CNMD: variants seen among roughly 807,000 people sequenced by gnomAD.
CNMD encodes the protein chondromodulin.
A neutral mutation model predicts 37.5 loss-of-function variants in CNMD; 30 were observed. The ratio of observed to expected loss-of-function variants is 0.80; its 90% confidence interval spans 0.60 to 1.09. The LOEUF (loss-of-function observed/expected upper bound fraction) is 1.09, where lower values mean the gene tolerates loss of function less well. Ranked by LOEUF, CNMD falls within the 50% of genes least tolerant of loss-of-function variation. The pLI, the probability that CNMD is intolerant of heterozygous loss-of-function variation, is 0.00. For missense variants in CNMD, 398 were observed against 423.9 expected (o/e 0.94, Z 0.54); for synonymous variants, 167 against 148.2 (o/e 1.13, Z -0.92).
At chr13:52,725,072 A>G (rs562173426) in intron 3 of CNMD, among the ~76,000 whole-genome samples, 2 of 152,338 alleles carry the variant, frequency 1.3e-5, no homozygotes, top group South Asian at 2.1e-4. Context: ...TATTCCATCT[A>G]TATTCACAAG....
At chr13:52,714,838 G>A (rs1964343588) in intron 4 of CNMD, among the ~76,000 whole-genome samples, 1 of 151,994 alleles carries the variant, frequency 6.6e-6, no homozygotes, top group African/African-American at 2.4e-5. Flanking sequence ...TTATGCAATT[G>A]TAGGTAATTT....
chr13:52,738,768 C>T (rs1430762545), intron 2 of CNMD, among the ~76,000 whole-genome samples: 1 of 152,164 alleles, frequency 6.6e-6, no homozygotes, highest in Non-Finnish European at 1.5e-5. Flanking sequence ...GGAGATGAGC[C>T]GAGAACGGCC....
Position 52,738,780 on chromosome 13 carries a change from T to C in CNMD, c.213+251A>G, listed in dbSNP as rs530806513. On this transcript the variant is annotated intron_variant, in intron 2 of 6. Coordinates refer to ENST00000377962, the MANE Select transcript of CNMD (RefSeq NM_007015.3). ...GTGGGAGATGAGCCGAGAACGGCCT[T>C]TCTCGGACCGTCCACTACATTCTCC... is the stretch of plus-strand genomic sequence containing the variant. 1.1e-4 allele frequency among the ~76,000 whole-genome samples: 17 copies of C among 152,284 alleles called. No homozygotes were observed. In the East Asian group the frequency reaches 3.3e-3, roughly 30 times the overall value.
In CNMD at chr13:52,703,478, G is replaced by A. The variant is rs1566214483; in HGVS notation, c.*117C>T. 3 of 663,834 alleles carry A rather than the reference G, an allele frequency of 4.5e-6. No individual in the cohort carries two copies. The highest frequency in any genetic ancestry group is 2.0e-5 in the South Asian group (1 of 50,430). 41.1% of individuals were successfully genotyped at this position (663,834 alleles called of 1,614,324 possible). A position where few individuals can be genotyped will look rare whatever the true frequency, so the allele number is the denominator to read the frequency against. On this transcript the variant is annotated 3_prime_UTR_variant, in exon 7 of 7. Coordinates refer to ENST00000377962, the MANE Select transcript of CNMD (RefSeq NM_007015.3). Reference sequence around the variant, plus strand: ...TCTGTTAAGAGTGTCAAGAATAACCGCTCAGGTTGAGTGTAAAAATATTTT... The same window carrying A: ...TCTGTTAAGAGTGTCAAGAATAACCACTCAGGTTGAGTGTAAAAATATTTT...
intron 6 of CNMD, among the ~76,000 whole-genome samples, chr13:52,704,787 C>T (rs537285607): frequency 2.0e-4 from 31 of 152,226 alleles, no homozygotes; most frequent in Admixed American, 2.6e-4. Context: ...TTCAGCCACG[C>T]GCAGTGGCTC....
chr13:52,718,304 A>G (rs924332429), intron 4 of CNMD, among the ~76,000 whole-genome samples: 5 of 151,950 alleles, frequency 3.3e-5, no homozygotes, highest in Admixed American at 6.6e-5. Context: ...CCTGGATTCA[A>G]TGATTTTTGG....
intron 3 of CNMD, among the ~76,000 whole-genome samples, chr13:52,728,977 T>C (rs531335314): frequency 6.6e-6 from 1 of 152,324 alleles, no homozygotes; most frequent in African/African-American, 2.4e-5. Context: ...GCAAACCTCC[T>C]GTTTTTGCAA....
intron 4 of CNMD, among the ~76,000 whole-genome samples, chr13:52,719,311 A>G (rs1964441672): frequency 6.6e-6 from 1 of 152,038 alleles, no homozygotes; most frequent in African/African-American, 2.4e-5. Flanking sequence ...TAATTGCGGG[A>G]TTTAGCCCAT....
chr13:52,724,835 T>C (rs1464430909), intron 3 of CNMD, among the ~76,000 whole-genome samples: 2 of 151,960 alleles, frequency 1.3e-5, no homozygotes, highest in Non-Finnish European at 2.9e-5. Context: ...AGGTGGAGGT[T>C]GCAGACAGCC....
intron 6 of CNMD, among the ~76,000 whole-genome samples, chr13:52,706,020 TAAAATATTTTTA>T (rs1391075618): frequency 6.6e-6 from 1 of 152,236 alleles, no homozygotes; most frequent in Non-Finnish European, 1.5e-5. Context: ...CAAGCTTTTC[TAAAATATTTTTA>T]AAATGATAAA....
chr13:52,734,343 T>G (rs1340880081), intron 2 of CNMD, among the ~76,000 whole-genome samples: 1 of 152,230 alleles, frequency 6.6e-6, no homozygotes, highest in African/African-American at 2.4e-5. Context: ...CCAGAGTGGC[T>G]CTGCTTTTTC....
intron 6 of CNMD, among the ~76,000 whole-genome samples, chr13:52,707,525 G>A (rs903517721): frequency 3.3e-5 from 5 of 152,170 alleles, no homozygotes; most frequent in Non-Finnish European, 4.4e-5. Flanking sequence ...ACAGTCTCCT[G>A]CCTGTGCACA....
chr13:52,722,248 T>C (rs1964496872), intron 4 of CNMD, among the ~76,000 whole-genome samples: 1 of 152,216 alleles, frequency 6.6e-6, no homozygotes, highest in Admixed American at 6.5e-5. Flanking sequence ...TAGTCAGCTT[T>C]ACAAACTCAC....
Position 52,703,581 on chromosome 13 carries a change from T to C in CNMD, c.*14A>G. 6.3e-7 allele frequency: 1 copy of C among 1,575,394 alleles called. No individual in the cohort carries two copies. Among genetic ancestry groups the C allele is most frequent in the Non-Finnish European group, 8.7e-7 (1 of 1,146,376 alleles). On this transcript the variant is annotated 3_prime_UTR_variant, in exon 7 of 7. Transcript: ENST00000377962. ...CTAGTTCTTATTTTACAGCACATGA[T>C]ATATGAAGTGATTTCACACCATGCC...
Position 52,739,131 on chromosome 13 carries a change from C to G in CNMD, c.113G>C (p.Arg38Pro), listed in dbSNP as rs1964834718. The G allele has an allele frequency of 1.3e-6, 2 of 1,553,310 alleles. No homozygotes were observed. Among genetic ancestry groups the G allele is most frequent in the South Asian group, 1.2e-5 (1 of 85,138 alleles). The change falls in exon 2 of 7, where the codon CGG (arginine) becomes CCG (proline). Residue 38 changes from arginine (R) to proline (P), a missense_variant. By Grantham distance (103) the Arg-to-Pro change is moderately radical. Coordinates refer to ENST00000377962, the MANE Select transcript of CNMD (RefSeq NM_007015.3). The surrounding 1 kb of genome is among the most constrained non-coding windows in gnomAD (Gnocchi z 5.4). ...TLTVKPSSPA[R>P]LLKVGAVVLI... The stretch of plus-strand genomic sequence containing the variant: ...GACCACGGCTCCCACCTTGAGCAGC[C>G]GCGCGGGGCTGGAGGGCTTCACCGT...
intron 3 of CNMD, among the ~76,000 whole-genome samples, chr13:52,724,816 G>C (rs1395667966): frequency 1.3e-5 from 2 of 152,174 alleles, no homozygotes; most frequent in African/African-American, 4.8e-5. Context: ...AGAATCGCTT[G>C]AACCCGGGAG....
In CNMD at chr13:52,739,418, C is replaced by T. The variant is rs1040911545; in HGVS notation, c.72+212G>A. ...TCGCCCCAGGACCTGCACCCTCTAC[C>T]GGCCACGGGACGTCCCTCCGCACCC... On this transcript the variant is annotated intron_variant, in intron 1 of 6. Coordinates refer to ENST00000377962, the MANE Select transcript of CNMD (RefSeq NM_007015.3). The surrounding 1 kb of genome is among the most constrained non-coding windows in gnomAD (Gnocchi z 5.4). 3 of 666,570 alleles carry T rather than the reference C, an allele frequency of 4.5e-6. No individual in the cohort carries two copies. Among genetic ancestry groups the T allele is most frequent in the African/African-American group, 3.7e-5 (2 of 54,700 alleles). The allele number at this position is 666,570 out of a possible 1,614,324, so 41.3% of individuals were successfully genotyped here.
chr13:52,737,974 G>T (rs1277558608), intron 2 of CNMD, among the ~76,000 whole-genome samples: 1 of 152,206 alleles, frequency 6.6e-6, no homozygotes, highest in African/African-American at 2.4e-5. Context: ...TTAGACATTT[G>T]AGTTAAAAAT....
At chr13:52,728,795 T>C (rs1239620538) in intron 3 of CNMD, among the ~76,000 whole-genome samples, 5 of 152,110 alleles carry the variant, frequency 3.3e-5, no homozygotes, top group Non-Finnish European at 7.3e-5. Context: ...TAGTGTTAAG[T>C]TGGTTCTGAC....
Sources: gnomAD v4.1 joint callset for allele counts (sites outside exome capture counted in the v4.1 genomes callset) on GRCh38, gnomAD v4.1.1 for gene constraint, Gnocchi (gnomAD v3.1) non-coding constraint, MANE v1.5 for transcripts, NCBI Gene and HGNC (gene_info 2026-07-23, HGNC 2026-07-21) for gene names.